MYH15: variants seen among roughly 807,000 people sequenced by gnomAD.
MYH15 encodes myosin heavy chain 15.
Under a neutral mutation model 240.5 loss-of-function variants are expected in MYH15, and 227 were observed. That is an observed-to-expected ratio of 0.94 (90% confidence interval 0.85 to 1.05). The LOEUF is 1.05. MYH15 is among the 50% of genes least tolerant of loss of function. The probability of loss-of-function intolerance (pLI) is 0.00; values close to 1 mark genes in which losing one functional copy is unlikely to be tolerated. For missense variants in MYH15, 2,217 were observed against 2,247.5 expected (o/e 0.99, Z 0.27); for synonymous variants, 785 against 796.7 (o/e 0.99, Z 0.25).
At chr3:108,387,483 G>A (rs76173096) in intron 38 of MYH15, among the ~76,000 whole-genome samples, 1 of 152,174 alleles carries the variant, frequency 6.6e-6, no homozygotes, top group Non-Finnish European at 1.5e-5. Flanking sequence ...AGAAACAAAG[G>A]TAAGACACGA....
intron 16 of MYH15, among the ~76,000 whole-genome samples, chr3:108,461,005 T>C (rs905428828): frequency 1.3e-5 from 2 of 152,202 alleles, no homozygotes; most frequent in East Asian, 1.9e-4. Context: ...ATTTTCATGA[T>C]TTATAAAAAA....
chr3:108,503,396 A>G (rs1210416003), intron 2 of MYH15, among the ~76,000 whole-genome samples: 1 of 152,208 alleles, frequency 6.6e-6, no homozygotes, highest in East Asian at 1.9e-4. Flanking sequence ...ATATGTACAA[A>G]TAATACATGT....
chr3:108,543,247 C>T, the MYH15 span: 1 of 152,170 alleles, frequency 6.6e-6, no homozygotes, highest in Non-Finnish European at 1.5e-5. Flanking sequence ...TTTATCCAGT[C>T]TATTATTGAT....
chr3:108,401,993 T>C (rs1219647151), intron 33 of MYH15, among the ~76,000 whole-genome samples: 2 of 152,062 alleles, frequency 1.3e-5, no homozygotes, highest in African/African-American at 4.8e-5. Context: ...CAAAGAAAAA[T>C]CAAGATGATA....
chr3:108,464,050 T>C (rs1490327911), intron 15 of MYH15, among the ~76,000 whole-genome samples: 2 of 152,166 alleles, frequency 1.3e-5, no homozygotes, highest in East Asian at 3.8e-4. Flanking sequence ...ACTATAAACA[T>C]ATCTGTGTAC....
chr3:108,499,217 T>C (rs1202595055), intron 5 of MYH15, among the ~76,000 whole-genome samples: 1 of 152,154 alleles, frequency 6.6e-6, no homozygotes, highest in Non-Finnish European at 1.5e-5. Context: ...TGTGCACTAT[T>C]TCTAAAGGAT....
At chr3:108,441,398 G>A in intron 22 of MYH15, 138 bp from the exon 23 acceptor site, 1 of 945,910 alleles carries the variant, frequency 1.1e-6, no homozygotes, top group South Asian at 1.6e-5. Flanking sequence ...CTAAACAGCT[G>A]CAATAATATT....
At chr3:108,535,914 T>C in the MYH15 span, among the ~76,000 whole-genome samples, 1 of 152,218 alleles carries the variant, frequency 6.6e-6, no homozygotes. Flanking sequence ...GGGTTATTTA[T>C]ATGCATATTG....
rs541580119 is a variant in MYH15 at position 108,527,704 on chromosome 3, AGCTTAGAGGTTAAGAGTGG to A, written c.-58+1540_-58+1558del. Among the ~76,000 whole-genome samples, 949 of 152,212 alleles carry A rather than the reference AGCTTAGAGGTTAAGAGTGG, an allele frequency of 6.2e-3. 12 individuals are homozygous for A. The highest frequency in any genetic ancestry group is 0.022 in the African/African-American group (895 of 41,518). ...GAAAAAATCTTATGGCTTATCAAGGAGCTTAGAGGTTAAGAGTGGGCTCTGAAGTCAGGCTGCCTGAGTG... is the reference window on the plus strand; with the variant it reads ...GAAAAAATCTTATGGCTTATCAAGGAGCTCTGAAGTCAGGCTGCCTGAGTG... On this transcript the variant is annotated intron_variant, in intron 1 of 41. Transcript: ENST00000273353.
chr3:108,398,691 C>A lies in MYH15; in HGVS notation c.5079G>T (p.Leu1693=). ...TTGCTTCCAGGAGCTCTTCTTCTGA[C>A]AGCCTGCGGCCACGCTCTGTCTGCT... ...LQEQTERGRR[L]SEEELLEATE... The change falls in exon 35 of 41, where the codon CTG becomes CTT. Residue 1693 remains leucine, a synonymous_variant. Transcript: ENST00000693548. The A allele has an allele frequency of 6.2e-7, 1 of 1,614,032 alleles. No individual in the cohort carries two copies. The highest frequency in any genetic ancestry group is 1.1e-5 in the South Asian group (1 of 91,074).
chr3:108,523,192 A>T (rs2107269754), intron 1 of MYH15, among the ~76,000 whole-genome samples: 1 of 152,212 alleles, frequency 6.6e-6, no homozygotes, highest in Non-Finnish European at 1.5e-5. Context: ...GCATAATAAA[A>T]GTTCCAAATT....
chr3:108,391,609 T>G, intron 37 of MYH15, 151 bp downstream of exon 37: 1 of 824,082 alleles, frequency 1.2e-6, no homozygotes, highest in Non-Finnish European at 1.9e-6. Flanking sequence ...AATGCATATA[T>G]TGAGATCTGA....
At chr3:108,517,173 C>G (rs1438063063) in intron 1 of MYH15, among the ~76,000 whole-genome samples, 1 of 152,186 alleles carries the variant, frequency 6.6e-6, no homozygotes, top group African/African-American at 2.4e-5. Context: ...TGACATTTCT[C>G]TTTTGCTCCC....
chr3:108,411,060 T>G, intron 30 of MYH15, 128 bp from the exon 31 acceptor site: 1 of 723,110 alleles, frequency 1.4e-6, no homozygotes. Context: ...GACTTAGTGG[T>G]ATAAAGCAAC....
chr3:108,536,774 G>T, the MYH15 span, among the ~76,000 whole-genome samples: 5 of 152,300 alleles, frequency 3.3e-5, no homozygotes, highest in East Asian at 9.6e-4. Flanking sequence ...AACTATATTA[G>T]AATGTACACT....
At chr3:108,545,686 T>C in the MYH15 span, among the ~76,000 whole-genome samples, 9 of 139,532 alleles carry the variant, frequency 6.5e-5, no homozygotes, top group African/African-American at 2.3e-4. Context: ...CTGTTTCTAA[T>C]ATACACATAC....
In MYH15 at chr3:108,380,971, A is replaced by G; in HGVS notation, c.*574T>C. 1 of 153,586 alleles carries G rather than the reference A, an allele frequency of 6.5e-6. No individual in the cohort carries two copies. Among genetic ancestry groups the G allele is most frequent in the Non-Finnish European group, 1.5e-5 (1 of 68,912 alleles). The allele number at this position is 153,586 out of a possible 1,614,324, so 9.5% of individuals were successfully genotyped here. A position where few individuals can be genotyped will look rare whatever the true frequency, so the allele number is the denominator to read the frequency against. ...CTCCATGTTTAAAGCATGTACCAGC[A>G]TATAGCCTACATGTGTGTTGATTAG... On this transcript the variant is annotated 3_prime_UTR_variant, in exon 41 of 41. Transcript: ENST00000693548.
chr3:108,476,442 G>C lies in MYH15; in HGVS notation c.1188C>G (p.Ile396Met). 6.2e-7 allele frequency: 1 copy of C among 1,613,172 alleles called. No individual in the cohort carries two copies. Among genetic ancestry groups the C allele is most frequent in the Non-Finnish European group, 8.5e-7 (1 of 1,179,390 alleles). The change falls in exon 12 of 41, where the codon ATC (isoleucine) becomes ATG (methionine). Residue 396 changes from isoleucine (I) to methionine (M), a missense_variant. Transcript: ENST00000693548. ...TGGTAACATATTCGTTACCAACTTTGATTCTAGGATGGATCAAGCACTTTA... is the reference window on the plus strand; with the variant it reads ...TGGTAACATATTCGTTACCAACTTTCATTCTAGGATGGATCAAGCACTTTA... Reference protein sequence around the residue: ...ELVKCLIHPRIKVGNEYVTRG... With the variant: ...ELVKCLIHPRMKVGNEYVTRG...
At chr3:108,514,440 G>T (rs921896817), upstream of MYH15, among the ~76,000 whole-genome samples, 5 of 152,026 alleles carry the variant, frequency 3.3e-5, no homozygotes, top group Non-Finnish European at 7.4e-5. Flanking sequence ...TCAAATATAC[G>T]TTTGAATATA....
Sources: gnomAD v4.1 joint callset for allele counts (sites outside exome capture counted in the v4.1 genomes callset) on GRCh38, gnomAD v4.1.1 for gene constraint, MANE v1.5 for transcripts, NCBI Gene and HGNC (gene_info 2026-07-23, HGNC 2026-07-21) for gene names.